CLASP1: variants seen among roughly 807,000 people sequenced by gnomAD.
CLASP1 encodes CLIP-associating protein 1.
In CLASP1, 38 loss-of-function variants were observed where a neutral mutation model predicts 192.3. That is an observed-to-expected ratio of 0.20 (90% CI 0.15 to 0.26). CLASP1 has a LOEUF of 0.26. Among genes scored for constraint, CLASP1 ranks in the 10% least tolerant of loss-of-function variants. The pLI is 1.00. For synonymous variants in CLASP1, 691 were observed against 712.8 expected, an observed-to-expected ratio of 0.97 and a Z score of 0.49; for missense variants, 1,433 against 1,932.5, an observed-to-expected ratio of 0.74 and a Z score of 4.85.
intron 6 of CLASP1, among the ~76,000 whole-genome samples, chr2:121,523,139 T>C (rs910209104): frequency 6.6e-6 from 1 of 152,254 alleles, no homozygotes; most frequent in Admixed American, 6.5e-5. Context: ...AGCAGGGATC[T>C]ATGCCTTTAA....
chr2:121,494,724 A>G (rs568126585), intron 8 of CLASP1, among the ~76,000 whole-genome samples: 251 of 152,340 alleles, frequency 1.6e-3, no homozygotes, highest in Non-Finnish European at 2.4e-3. Flanking sequence ...ATGTCCATAA[A>G]AATTAAAAAT....
intron 20 of CLASP1, among the ~76,000 whole-genome samples, chr2:121,427,974 C>G (rs1428024203): frequency 6.6e-6 from 1 of 152,144 alleles, no homozygotes; most frequent in East Asian, 1.9e-4. Context: ...AGATTTACCA[C>G]TTATTAAAAT....
At chr2:121,611,620 G>A (rs1378501801) in intron 1 of CLASP1, among the ~76,000 whole-genome samples, 1 of 135,362 alleles carries the variant, frequency 7.4e-6, no homozygotes, top group Non-Finnish European at 1.6e-5. Flanking sequence ...GTTACAGGAG[G>A]AAGAGGAACT....
intron 8 of CLASP1, among the ~76,000 whole-genome samples, chr2:121,500,306 CAGAA>C (rs1181205080): frequency 9.2e-6 from 1 of 108,214 alleles, no homozygotes; most frequent in African/African-American, 3.6e-5. Flanking sequence ...GAGGGAGAGA[CAGAA>C]AGAGAGAGAG....
At chr2:121,510,420 T>A (rs1335770479) in intron 7 of CLASP1, among the ~76,000 whole-genome samples, 1 of 152,166 alleles carries the variant, frequency 6.6e-6, no homozygotes, top group Non-Finnish European at 1.5e-5. Flanking sequence ...AACAATTATA[T>A]GCCAACAATT....
chr2:121,510,880 G>C (rs1358753678), intron 7 of CLASP1, among the ~76,000 whole-genome samples: 2 of 151,990 alleles, frequency 1.3e-5, no homozygotes, highest in African/African-American at 4.8e-5. Flanking sequence ...AACCAAGAAA[G>C]AAAAGGCCTA....
intron 12 of CLASP1, chr2:121,459,756 A>G (rs79199053): frequency 0.045 from 16,690 of 370,870 alleles, 496 homozygotes; most frequent in East Asian, 0.12. Context: ...TGAAATAAAG[A>G]CTTCAGAGCT....
chr2:121,601,446 A>G (rs1308646459), intron 2 of CLASP1, among the ~76,000 whole-genome samples: 1 of 151,886 alleles, frequency 6.6e-6, no homozygotes, highest in Admixed American at 6.6e-5. Flanking sequence ...TAATTTTTGT[A>G]TTTTTAGTAG....
intron 37 of CLASP1, among the ~76,000 whole-genome samples, chr2:121,360,697 AGAGT>A (rs2066229310): frequency 6.6e-6 from 1 of 152,164 alleles, no homozygotes; most frequent in Admixed American, 6.5e-5. Context: ...GCAAAGTGAC[AGAGT>A]AAAGTTTTAT....
chr2:121,594,255 G>A (rs1241248750), intron 2 of CLASP1, among the ~76,000 whole-genome samples: 2 of 149,540 alleles, frequency 1.3e-5, no homozygotes, highest in Admixed American at 6.6e-5. Context: ...AGCCGAGATC[G>A]CACCACTGCA....
chr2:121,478,234 A>G (rs1016649605), intron 8 of CLASP1, among the ~76,000 whole-genome samples: 1 of 152,144 alleles, frequency 6.6e-6, no homozygotes, highest in Admixed American at 6.5e-5. Context: ...CATATTCTCT[A>G]AACACAGTAA....
chr2:121,601,779 T>C (rs1440817200), intron 2 of CLASP1, among the ~76,000 whole-genome samples: 2 of 152,166 alleles, frequency 1.3e-5, no homozygotes, highest in Admixed American at 6.5e-5. Flanking sequence ...AAAAAACTCT[T>C]ACTCCTGATG....
chr2:121,415,027 G>A (rs1056053457), intron 23 of CLASP1, among the ~76,000 whole-genome samples: 1 of 151,996 alleles, frequency 6.6e-6, no homozygotes, highest in South Asian at 2.1e-4. Flanking sequence ...CAATCTTCCC[G>A]CCTTAGCCTT....
intron 19 of CLASP1, among the ~76,000 whole-genome samples, chr2:121,431,156 A>G (rs910994840): frequency 2.6e-5 from 4 of 152,182 alleles, no homozygotes; most frequent in Admixed American, 1.3e-4. Flanking sequence ...GCAGGAAGCA[A>G]ATCCTAAAGC....
At chr2:121,412,476 T>C (rs1344646058) in intron 23 of CLASP1, among the ~76,000 whole-genome samples, 1 of 152,064 alleles carries the variant, frequency 6.6e-6, no homozygotes, top group Non-Finnish European at 1.5e-5. Context: ...GTTCAAGTTT[T>C]TTTTTTCATT....
At position 121,639,043 on chromosome 2, in the gene CLASP1, G is replaced by A. The variant is rs913675980; in HGVS notation, c.-286+10329C>T. On this transcript the variant is annotated intron_variant, in intron 1 of 39. Coordinates refer to ENST00000263710, the Ensembl canonical transcript of CLASP1. Reference sequence around the variant, plus strand: ...TGTAATCCCAGCACTTTGGGAGGCTGAGGTAGGCGGATCACAAGGTCAGAA... The same window carrying A: ...TGTAATCCCAGCACTTTGGGAGGCTAAGGTAGGCGGATCACAAGGTCAGAA... 2.0e-5 allele frequency among the ~76,000 whole-genome samples: 3 copies of A among 152,106 alleles called. No individual in the cohort carries two copies. In the East Asian group the frequency reaches 5.8e-4, roughly 30 times the overall value.
At chr2:121,352,125 C>T (rs915706643) in intron 37 of CLASP1, among the ~76,000 whole-genome samples, 1 of 152,200 alleles carries the variant, frequency 6.6e-6, no homozygotes, top group African/African-American at 2.4e-5. Flanking sequence ...CTACCTGATG[C>T]ACTTCTTGTG....
At chr2:121,359,232 T>G (rs948392409) in intron 37 of CLASP1, among the ~76,000 whole-genome samples, 20 of 152,240 alleles carry the variant, frequency 1.3e-4, no homozygotes, top group African/African-American at 4.3e-4. Flanking sequence ...GTAGCAACAT[T>G]TGTATAGCAT....
intron 2 of CLASP1, among the ~76,000 whole-genome samples, chr2:121,543,234 A>T (rs1178224654): frequency 6.6e-6 from 1 of 152,102 alleles, no homozygotes; most frequent in African/African-American, 2.4e-5. Flanking sequence ...AACTTGGGGC[A>T]CCTCTTAAAG....
Sources: gnomAD v4.1 joint callset for allele counts (sites outside exome capture counted in the v4.1 genomes callset) on GRCh38, gnomAD v4.1.1 for gene constraint, MANE v1.5 for transcripts, NCBI Gene and HGNC (gene_info 2026-07-23, HGNC 2026-07-21) for gene names.